Variants in SLC25A21 observed in about 807,000 individuals in gnomAD.
SLC25A21 encodes the protein mitochondrial 2-oxodicarboxylate carrier.
A neutral mutation model predicts 43.8 loss-of-function variants in SLC25A21; 47 were observed. The ratio of observed to expected loss-of-function variants is 1.07; its 90% CI spans 0.85 to 1.37. SLC25A21 has a LOEUF of 1.37. SLC25A21 is among the 40% of genes most tolerant of loss of function. The pLI is 0.00. For missense variants in SLC25A21, 352 were observed against 350.2 expected, an observed-to-expected ratio of 1.00 and a Z score of -0.04; for synonymous variants, 131 against 121.3, an observed-to-expected ratio of 1.08 and a Z score of -0.52.
intron 1 of SLC25A21, among the ~76,000 whole-genome samples, chr14:36,981,452 T>A (rs1275552425): frequency 6.6e-6 from 1 of 152,144 alleles, no homozygotes; most frequent in African/African-American, 2.4e-5. Context: ...TGTCCAACAA[T>A]GATAGACTGG....
chr14:37,005,975 A>G (rs1960594836), intron 1 of SLC25A21, among the ~76,000 whole-genome samples: 1 of 152,156 alleles, frequency 6.6e-6, no homozygotes, highest in African/African-American at 2.4e-5. Flanking sequence ...ATTGCACATA[A>G]CCTCTTTTTG....
intron 6 of SLC25A21, among the ~76,000 whole-genome samples, chr14:36,713,626 CCTCT>C (rs780428311): frequency 2.4e-4 from 37 of 152,106 alleles, no homozygotes; most frequent in Non-Finnish European, 4.6e-4. Context: ...AGTATTTTAT[CCTCT>C]CTGATTGATT....
rs575131051 is a variant in SLC25A21 at position 36,729,112 on chromosome 14, A to G, written c.330+395T>C. Among the ~76,000 whole-genome samples the G allele has an allele frequency of 1.1e-4, 16 of 152,326 alleles. No individual in the cohort carries two copies. In the South Asian group the frequency reaches 2.9e-3, roughly 28 times the overall value. On this transcript the variant is annotated intron_variant, in intron 5 of 9. Coordinates refer to ENST00000331299, the MANE Select transcript of SLC25A21 (RefSeq NM_030631.4). ...ACTTTATCCCAAGGGATCGATCTGAAGTCTTATATTTACTACAGCTGGTGC... is the reference window on the plus strand; with the variant it reads ...ACTTTATCCCAAGGGATCGATCTGAGGTCTTATATTTACTACAGCTGGTGC...
chr14:36,995,998 A>G (rs1960364003), intron 1 of SLC25A21, among the ~76,000 whole-genome samples: 1 of 152,152 alleles, frequency 6.6e-6, no homozygotes, highest in African/African-American at 2.4e-5. Context: ...GGTTCAGAGA[A>G]GTAACTCGAC....
At chr14:36,766,123 C>G (rs1269823368) in intron 3 of SLC25A21, among the ~76,000 whole-genome samples, 1 of 145,288 alleles carries the variant, frequency 6.9e-6, no homozygotes, top group Non-Finnish European at 1.5e-5. Context: ...GTTTATTTCC[C>G]CACCTTGTTC....
At chr14:36,713,245 G>T (rs1333770997) in intron 6 of SLC25A21, among the ~76,000 whole-genome samples, 2 of 152,150 alleles carry the variant, frequency 1.3e-5, no homozygotes, top group Non-Finnish European at 2.9e-5. Context: ...CTAAAAACAT[G>T]GGTATAAAGA....
intron 3 of SLC25A21, among the ~76,000 whole-genome samples, chr14:36,776,828 C>T (rs1886853402): frequency 6.6e-6 from 1 of 152,164 alleles, no homozygotes; most frequent in South Asian, 2.1e-4. Flanking sequence ...TCCCCACCTT[C>T]ACATCTATTT....
chr14:36,937,403 A>C (rs1049981637), intron 1 of SLC25A21, among the ~76,000 whole-genome samples: 6 of 152,218 alleles, frequency 3.9e-5, no homozygotes, highest in Non-Finnish European at 8.8e-5. Flanking sequence ...AACCATATTC[A>C]AACGTCAGTG....
intron 1 of SLC25A21, among the ~76,000 whole-genome samples, chr14:37,007,147 C>A (rs545565393): frequency 2.0e-5 from 3 of 152,198 alleles, no homozygotes; most frequent in African/African-American, 7.2e-5. Flanking sequence ...TACAAATGAT[C>A]TGTTACAGAG....
intron 1 of SLC25A21, among the ~76,000 whole-genome samples, chr14:36,963,187 C>T (rs12878292): frequency 0.42 from 64,297 of 151,766 alleles, 14,737 homozygotes; most frequent in African/African-American, 0.61. Context: ...GTACATATCC[C>T]CCCATAGTAT....
chr14:36,933,432 G>GCT (rs1892343329), intron 1 of SLC25A21, among the ~76,000 whole-genome samples: 1 of 152,074 alleles, frequency 6.6e-6, no homozygotes. Flanking sequence ...ATGCATGCCG[G>GCT]CTTCAACAGC....
At chr14:37,148,654 G>A (rs1445480817) in intron 1 of SLC25A21, among the ~76,000 whole-genome samples, 1 of 152,108 alleles carries the variant, frequency 6.6e-6, no homozygotes, top group East Asian at 1.9e-4. Flanking sequence ...CAAATGCATT[G>A]AATAAATATA....
chr14:36,685,001 T>C lies in SLC25A21; in HGVS notation c.604-76A>G, dbSNP rs2139140737. On this transcript the variant is annotated intron_variant, in intron 7 of 9. Coordinates refer to ENST00000331299, the MANE Select transcript of SLC25A21 (RefSeq NM_030631.4). ...ATCAGTTAAACACTATAAAGCAATA[T>C]GTATTTAAGCAGAGCATTGCACTCC... The C allele has an allele frequency of 3.3e-6, 4 of 1,218,742 alleles. No individual in the cohort carries two copies. The South Asian group carries it at 4.6e-5, about 14-fold the overall frequency. 75.5% of individuals were successfully genotyped at this position (1,218,742 alleles called of 1,614,324 possible).
intron 1 of SLC25A21, among the ~76,000 whole-genome samples, chr14:37,160,986 G>A (rs927179370): frequency 2.7e-5 from 2 of 72,994 alleles, no homozygotes; most frequent in Non-Finnish European, 5.2e-5. Context: ...AAGGGGGTGG[G>A]GAAAAGGGGG....
At chr14:37,018,983 C>A (rs10140136) in intron 1 of SLC25A21, among the ~76,000 whole-genome samples, 57,899 of 151,816 alleles carry the variant, frequency 0.38, 11,983 homozygotes, top group African/African-American at 0.55. Context: ...ACAGTTTGAA[C>A]GTTATGTCTT....
At chr14:36,799,837 C>G (rs1283595907) in intron 3 of SLC25A21, among the ~76,000 whole-genome samples, 1 of 152,084 alleles carries the variant, frequency 6.6e-6, no homozygotes, top group Non-Finnish European at 1.5e-5. Flanking sequence ...CACTCAGCAC[C>G]TGGTAAGTTA....
intron 3 of SLC25A21, among the ~76,000 whole-genome samples, chr14:36,779,128 T>A (rs1594580382): frequency 6.6e-6 from 1 of 150,788 alleles, no homozygotes. Context: ...TTCATCTATG[T>A]TGTTGCAAAT....
At chr14:37,079,363 T>C (rs1301475202) in intron 1 of SLC25A21, among the ~76,000 whole-genome samples, 1 of 152,192 alleles carries the variant, frequency 6.6e-6, no homozygotes, top group Non-Finnish European at 1.5e-5. Flanking sequence ...TTTTCCCTAA[T>C]GCTCCTTGTC....
chr14:36,771,816 T>G (rs1448097303), intron 3 of SLC25A21, among the ~76,000 whole-genome samples: 1 of 151,994 alleles, frequency 6.6e-6, no homozygotes, highest in Non-Finnish European at 1.5e-5. Context: ...ATAAAAATAT[T>G]AATAAGGAAT....
Sources: gnomAD v4.1 joint callset for allele counts (sites outside exome capture counted in the v4.1 genomes callset) on GRCh38, gnomAD v4.1.1 for gene constraint, MANE v1.5 for transcripts, NCBI Gene and HGNC (gene_info 2026-07-23, HGNC 2026-07-21) for gene names.